The following PRKN variants were observed in gnomAD, a reference collection of about 807,000 sequenced individuals.
PRKN encodes parkin RBR E3 ubiquitin protein ligase.
PRKN carries 56 observed loss-of-function variants against 59.5 expected under a neutral mutation model. The observed-to-expected ratio is 0.94, with a 90% CI of 0.76 to 1.18. PRKN has a LOEUF of 1.18. Among genes scored for constraint, PRKN ranks in the 50% most tolerant of loss-of-function variants. PRKN has a pLI of 0.00. For missense variants in PRKN, 657 were observed against 596.4 expected (o/e 1.10, Z -1.06); for synonymous variants, 250 against 222.1 (o/e 1.13, Z -1.12).
At chr6:161,710,703 C>G (rs1489191409) in intron 7 of PRKN, among the ~76,000 whole-genome samples, 1 of 152,186 alleles carries the variant, frequency 6.6e-6, no homozygotes, top group Non-Finnish European at 1.5e-5. Flanking sequence ...CCACCGGGCT[C>G]TGTCCGCAGG....
At chr6:162,281,536 A>G (rs1002743989) in intron 2 of PRKN, among the ~76,000 whole-genome samples, 2 of 152,210 alleles carry the variant, frequency 1.3e-5, no homozygotes, top group Non-Finnish European at 1.5e-5. Context: ...TATCCTACAC[A>G]TAGCTTACAA....
chr6:162,396,785 A>C (rs1014719059), intron 2 of PRKN, among the ~76,000 whole-genome samples: 7 of 152,134 alleles, frequency 4.6e-5, no homozygotes, highest in Admixed American at 3.3e-4. Context: ...CAAAAGAAGC[A>C]ATCATATTTA....
chr6:161,545,513 T>G lies in PRKN; in HGVS notation c.1083+3341A>C, dbSNP rs1272219561. The G allele has an allele frequency of 1.6e-5, 17 of 1,063,476 alleles. No homozygotes were observed. Among genetic ancestry groups the G allele is most frequent in the Non-Finnish European group, 2.5e-5 (17 of 689,120 alleles). The allele number at this position is 1,063,476 out of a possible 1,614,324, so 65.9% of individuals were successfully genotyped here. A position where few individuals can be genotyped will look rare whatever the true frequency, so the allele number is the denominator to read the frequency against. ...ATTTGGCCATGTTCTACTTCTGAAA[T>G]GACATAATCTAACCACAATTTCTTC... is the stretch of plus-strand genomic sequence containing the variant. On this transcript the variant is annotated intron_variant, in intron 9 of 11. Transcript: ENST00000366898. The surrounding 1 kb of genome is among the most constrained non-coding windows in gnomAD (Gnocchi z 4.1).
intron 1 of PRKN, among the ~76,000 whole-genome samples, chr6:162,470,992 C>G (rs1477171297): frequency 1.3e-5 from 2 of 152,046 alleles, no homozygotes; most frequent in Non-Finnish European, 2.9e-5. Flanking sequence ...AACTCCTGAC[C>G]TTAGGTGATC....
chr6:161,679,553 A>C (rs1272309862), intron 7 of PRKN, among the ~76,000 whole-genome samples: 1 of 139,890 alleles, frequency 7.1e-6, no homozygotes, highest in African/African-American at 2.7e-5. Context: ...TGGAGTTTCA[A>C]GTCTTTTTTT....
intron 9 of PRKN, among the ~76,000 whole-genome samples, chr6:161,482,543 C>T (rs114656448): frequency 0.015 from 2,248 of 152,298 alleles, 46 homozygotes; most frequent in African/African-American, 0.051. Flanking sequence ...CTTTTAAATA[C>T]ATACTTTCTC....
At chr6:161,687,054 TG>T (rs1184289685) in intron 7 of PRKN, among the ~76,000 whole-genome samples, 8 of 152,162 alleles carry the variant, frequency 5.3e-5, no homozygotes, top group Admixed American at 3.9e-4. Context: ...AAGTCATGTT[TG>T]GGTAGTAGAA....
intron 1 of PRKN, among the ~76,000 whole-genome samples, chr6:162,515,394 T>C (rs533033485): frequency 4.2e-4 from 64 of 151,972 alleles, no homozygotes; most frequent in Admixed American, 6.6e-4. Context: ...CAACTTATTG[T>C]TACTTCTAAT....
intron 7 of PRKN, among the ~76,000 whole-genome samples, chr6:161,596,317 T>C (rs138498563): frequency 2.0e-5 from 3 of 152,244 alleles, no homozygotes; most frequent in African/African-American, 7.2e-5. Context: ...AAAAAACACT[T>C]TTCTGGAAAT....
rs577477674 is a variant in PRKN at position 161,357,829 on chromosome 6, C to T, written c.1285+2259G>A. ...ACCTTCATCCACACGAATCAGAGCA[C>T]GTCTCACGGAGCGTGTTTGATGCAC... On this transcript the variant is annotated intron_variant, in intron 11 of 11. Coordinates refer to ENST00000366898, the MANE Select transcript of PRKN (RefSeq NM_004562.3). The surrounding 1 kb of genome is among the most constrained non-coding windows in gnomAD (Gnocchi z 5.5). Among the ~76,000 whole-genome samples the T allele has an allele frequency of 1.1e-4, 17 of 152,236 alleles. No homozygotes were observed. The highest frequency in any genetic ancestry group is 2.5e-4 in the Non-Finnish European group (17 of 68,046).
intron 6 of PRKN, among the ~76,000 whole-genome samples, chr6:161,833,660 T>C (rs2128219148): frequency 6.6e-6 from 1 of 152,078 alleles, no homozygotes; most frequent in East Asian, 1.9e-4. Context: ...CAGATCGGGG[T>C]TGGAGTTTGG....
chr6:162,660,831 T>C (rs1487784449), intron 1 of PRKN, among the ~76,000 whole-genome samples: 1 of 152,210 alleles, frequency 6.6e-6, no homozygotes, highest in Non-Finnish European at 1.5e-5. Context: ...CTATCTAATC[T>C]TTCTACTGTA....
At chr6:162,567,385 A>G (rs1162136808) in intron 1 of PRKN, among the ~76,000 whole-genome samples, 1 of 152,238 alleles carries the variant, frequency 6.6e-6, no homozygotes, top group Non-Finnish European at 1.5e-5. Context: ...AGATTCCACA[A>G]GAAACCATTA....
chr6:161,816,642 G>C (rs1355008232), intron 6 of PRKN, among the ~76,000 whole-genome samples: 1 of 151,572 alleles, frequency 6.6e-6, no homozygotes, highest in Non-Finnish European at 1.5e-5. Context: ...AGAAGAATGT[G>C]TTCACACCCC....
At chr6:161,465,516 A>AG (rs1790421348) in intron 9 of PRKN, among the ~76,000 whole-genome samples, 2 of 150,928 alleles carry the variant, frequency 1.3e-5, no homozygotes, top group East Asian at 3.9e-4. Context: ...ATTTTAGTAT[A>AG]CTTTTTTCTT....
At chr6:162,110,328 C>T (rs1041279662) in intron 4 of PRKN, among the ~76,000 whole-genome samples, 4 of 152,046 alleles carry the variant, frequency 2.6e-5, no homozygotes, top group South Asian at 2.1e-4. Context: ...TTGGTAGCAA[C>T]GTTTATGTCT....
At chr6:162,017,234 A>T (rs1444370711) in intron 5 of PRKN, among the ~76,000 whole-genome samples, 1 of 152,174 alleles carries the variant, frequency 6.6e-6, no homozygotes, top group Non-Finnish European at 1.5e-5. Context: ...TGTACTTGGG[A>T]ATCCATCAGA....
At chr6:162,306,258 T>C (rs779660244) in intron 2 of PRKN, among the ~76,000 whole-genome samples, 7 of 152,102 alleles carry the variant, frequency 4.6e-5, no homozygotes, top group Non-Finnish European at 8.8e-5. Flanking sequence ...GTCGGGTAAT[T>C]TGGTAATGCT....
chr6:161,625,322 C>T (rs191385428), intron 7 of PRKN, among the ~76,000 whole-genome samples: 2 of 149,000 alleles, frequency 1.3e-5, no homozygotes, highest in East Asian at 4.1e-4. Flanking sequence ...GACAGAAAAC[C>T]AAACACCATG....
Sources: allele counts gnomAD v4.1 joint callset (sites outside exome capture counted in the v4.1 genomes callset), GRCh38; gene constraint gnomAD v4.1.1; non-coding constraint Gnocchi (gnomAD v3.1); transcripts MANE v1.5; gene names NCBI Gene and HGNC (gene_info 2026-07-23, HGNC 2026-07-21).